Variants in HDAC9 observed in about 807,000 individuals in gnomAD.
HDAC9 encodes histone deacetylase 9.
A neutral mutation model predicts 139.4 loss-of-function variants in HDAC9; 41 were observed. That is an observed-to-expected ratio of 0.29 (90% CI 0.23 to 0.38). The LOEUF (loss-of-function observed/expected upper bound fraction) is 0.38. Among genes scored for constraint, HDAC9 ranks in the 10% least tolerant of loss-of-function variants. HDAC9 has a pLI of 1.00. For missense variants in HDAC9, 1,147 were observed against 1,297.0 expected, an observed-to-expected ratio of 0.88 and a Z score of 1.78; for synonymous variants, 517 against 476.2, an observed-to-expected ratio of 1.09 and a Z score of -1.12.
At chr7:18,880,887 C>G (rs1799690306) in intron 22 of HDAC9, among the ~76,000 whole-genome samples, 1 of 149,342 alleles carries the variant, frequency 6.7e-6, no homozygotes. Context: ...TCTTGAATTA[C>G]CATCTTTTTT....
At chr7:18,697,265 T>C (rs1014151946) in intron 12 of HDAC9, among the ~76,000 whole-genome samples, 1 of 152,170 alleles carries the variant, frequency 6.6e-6, no homozygotes, top group African/African-American at 2.4e-5. Context: ...ATGGGATCAT[T>C]AGCCTGTTTT....
intron 13 of HDAC9, among the ~76,000 whole-genome samples, chr7:18,748,608 G>A (rs1788181000): frequency 6.6e-6 from 1 of 152,188 alleles, no homozygotes; most frequent in African/African-American, 2.4e-5. Context: ...AGCTTGTTTA[G>A]TGGCTCCAAT....
chr7:18,161,038 T>C (rs1787595642), intron 1 of HDAC9, among the ~76,000 whole-genome samples: 1 of 152,226 alleles, frequency 6.6e-6, no homozygotes, highest in Non-Finnish European at 1.5e-5. Flanking sequence ...AAATCAAGAC[T>C]GTTCAGATGA....
At chr7:18,756,350 C>T (rs544329187) in intron 14 of HDAC9, among the ~76,000 whole-genome samples, 79 of 152,146 alleles carry the variant, frequency 5.2e-4, no homozygotes, top group African/African-American at 1.8e-3. Context: ...TTATTAAAAG[C>T]GTTTATTATT....
chr7:18,802,114 T>G (rs1793350955), intron 17 of HDAC9, among the ~76,000 whole-genome samples: 1 of 151,860 alleles, frequency 6.6e-6, no homozygotes, highest in Non-Finnish European at 1.5e-5. Context: ...TCTTAAATTA[T>G]TTAGCTCATT....
chr7:18,854,539 CAG>C (rs1370441780), intron 21 of HDAC9, among the ~76,000 whole-genome samples: 3 of 151,126 alleles, frequency 2.0e-5, no homozygotes, highest in African/African-American at 4.9e-5. Context: ...TCCAATTAAA[CAG>C]AAAGGAGAAT....
chr7:18,392,309 T>TCA (rs1385711426), intron 1 of HDAC9, among the ~76,000 whole-genome samples: 25 of 131,242 alleles, frequency 1.9e-4, no homozygotes, highest in African/African-American at 7.8e-4. Flanking sequence ...TCTCTCTCTC[T>TCA]CTCTCTCACA....
chr7:18,668,078 C>T (rs1341101056), intron 12 of HDAC9: 7 of 968,630 alleles, frequency 7.2e-6, no homozygotes, highest in Non-Finnish European at 7.4e-6. Flanking sequence ...GTTATTGGCA[C>T]GTGTTGTTTA....
At chr7:18,238,539 A>G (rs933754291) in intron 2 of HDAC9, among the ~76,000 whole-genome samples, 1 of 152,234 alleles carries the variant, frequency 6.6e-6, no homozygotes, top group African/African-American at 2.4e-5. Context: ...AGAGAAAGAT[A>G]GACCCTCTAT....
intron 12 of HDAC9, among the ~76,000 whole-genome samples, chr7:18,676,678 A>G (rs1389368803): frequency 3.3e-5 from 5 of 152,012 alleles, no homozygotes; most frequent in African/African-American, 1.2e-4. Context: ...TGTCTGACAA[A>G]CTCATAAAAA....
intron 16 of HDAC9, among the ~76,000 whole-genome samples, chr7:18,780,173 A>T (rs2588601): frequency 0.76 from 115,427 of 151,926 alleles, 44,652 homozygotes; most frequent in Non-Finnish European, 0.83. Flanking sequence ...CCATGGACTC[A>T]CAAATCATTG....
chr7:18,159,044 A>G (rs567437602), intron 1 of HDAC9, among the ~76,000 whole-genome samples: 103 of 152,366 alleles, frequency 6.8e-4, no homozygotes, highest in African/African-American at 2.4e-3. Flanking sequence ...GTTAAGAACC[A>G]AAATAACCAT....
rs549809801 is a variant in HDAC9, at chr7:18,951,694, T to C, written c.2938-2452T>C. Among the ~76,000 whole-genome samples, 8 of 152,018 alleles carry C rather than the reference T, an allele frequency of 5.3e-5. No homozygotes were observed. The East Asian group carries it at 1.5e-3, about 29-fold the overall frequency. Reference sequence around the variant, plus strand: ...TATCTAATCACCTAAATTAAATACATAGCAAAACTTTACCACATATTCTTA... The same window carrying C: ...TATCTAATCACCTAAATTAAATACACAGCAAAACTTTACCACATATTCTTA... On this transcript the variant is annotated intron_variant, in intron 23 of 25. Coordinates refer to ENST00000686413, the MANE Select transcript of HDAC9 (RefSeq NM_178425.4).
intron 2 of HDAC9, among the ~76,000 whole-genome samples, chr7:18,177,719 G>A (rs1789039387): frequency 6.6e-6 from 1 of 152,198 alleles, no homozygotes; most frequent in Admixed American, 6.5e-5. Context: ...GAGGGCAAGG[G>A]ACATCTAAGT....
chr7:18,842,336 A>G (rs1457128520), intron 21 of HDAC9, among the ~76,000 whole-genome samples: 5 of 152,128 alleles, frequency 3.3e-5, no homozygotes, highest in Non-Finnish European at 7.4e-5. Flanking sequence ...CAGACCATTT[A>G]TCATACCTCA....
At chr7:18,734,628 G>A (rs1054374280) in intron 13 of HDAC9, among the ~76,000 whole-genome samples, 1 of 152,186 alleles carries the variant, frequency 6.6e-6, no homozygotes, top group African/African-American at 2.4e-5. Context: ...TCTTAATCCA[G>A]TCTATCGTTG....
At chr7:18,713,435 A>G (rs1226599643) in intron 12 of HDAC9, among the ~76,000 whole-genome samples, 3 of 152,186 alleles carry the variant, frequency 2.0e-5, no homozygotes, top group African/African-American at 7.2e-5. Flanking sequence ...TACGTGAGGT[A>G]ACATATATGT....
chr7:18,212,067 T>C lies in HDAC9; in HGVS notation c.25+49718T>C, dbSNP rs1791974368. Among the ~76,000 whole-genome samples, 5 of 152,204 alleles carry C rather than the reference T, an allele frequency of 3.3e-5. No individual in the cohort carries two copies. In the South Asian group the frequency reaches 1.0e-3, roughly 32 times the overall value. ...GGGGAGAGGCTTATAAAAATTAGAA[T>C]GTCCAAGTCTTCATAGCTATCTAAA... On this transcript the variant is annotated intron_variant, in intron 2 of 12. Transcript: ENST00000417496.
chr7:18,353,286 C>A (rs1782996320), intron 1 of HDAC9, among the ~76,000 whole-genome samples: 4 of 151,388 alleles, frequency 2.6e-5, no homozygotes, highest in Admixed American at 2.6e-4. Context: ...TTTTCCTCTG[C>A]AAGCTGTTTG....
Sources: gnomAD v4.1 joint callset for allele counts (sites outside exome capture counted in the v4.1 genomes callset) on GRCh38, gnomAD v4.1.1 for gene constraint, MANE v1.5 for transcripts, NCBI Gene and HGNC (gene_info 2026-07-23, HGNC 2026-07-21) for gene names.